Variants in SPECC1L observed in about 807,000 individuals in gnomAD.
SPECC1L encodes cytospin-A.
In SPECC1L, 40 loss-of-function variants were observed where a neutral mutation model predicts 116.8. The ratio of observed to expected loss-of-function variants is 0.34; its 90% CI spans 0.27 to 0.45. The LOEUF (loss-of-function observed/expected upper bound fraction) is 0.45, where lower values mean the gene tolerates loss of function less well. SPECC1L is among the 20% of genes least tolerant of loss of function. SPECC1L has a pLI of 1.00. For missense variants in SPECC1L, 1,110 were observed against 1,373.6 expected, an observed-to-expected ratio of 0.81 and a Z score of 3.03; for synonymous variants, 504 against 500.6, an observed-to-expected ratio of 1.01 and a Z score of -0.09.
intron 4 of SPECC1L, among the ~76,000 whole-genome samples, chr22:24,316,187 T>G (rs2040559849): frequency 6.6e-6 from 1 of 152,252 alleles, no homozygotes; most frequent in Non-Finnish European, 1.5e-5. Context: ...TTCACTTGTC[T>G]TTACCTCAGA....
At position 24,324,211 on chromosome 22, in the gene SPECC1L, T is replaced by G; in HGVS notation, c.1939-9T>G. On this transcript the variant is annotated splice_polypyrimidine_tract_variant and intron_variant, in intron 5 of 16. Coordinates refer to ENST00000314328, the MANE Select transcript of SPECC1L (RefSeq NM_015330.6). ...ACTTTTCTAAATCTGCATCGTCAAT[T>G]TTACGTAGGTAGAGGATGAATACCG... The G allele has an allele frequency of 6.2e-7, 1 of 1,612,174 alleles. No individual in the cohort carries two copies. Among genetic ancestry groups the G allele is most frequent in the Non-Finnish European group, 8.5e-7 (1 of 1,178,466 alleles).
intron 8 of SPECC1L, among the ~76,000 whole-genome samples, chr22:24,332,669 G>A (rs540858956): frequency 1.1e-4 from 16 of 151,390 alleles, no homozygotes; most frequent in African/African-American, 3.9e-4. Context: ...TTAAAGAGAT[G>A]ATTTAAAAAT....
In SPECC1L at chr22:24,289,550, C is replaced by T. The variant is rs1416668181; in HGVS notation, c.-37-12645C>T. Among the ~76,000 whole-genome samples the T allele has an allele frequency of 2.0e-5, 3 of 152,234 alleles. No homozygotes were observed. In the South Asian group the frequency reaches 6.2e-4, roughly 32 times the overall value. On this transcript the variant is annotated intron_variant, in intron 2 of 16. Transcript: ENST00000314328. ...TAAAAAAATCCAGGAAGCTTCTAATCGTTTCTAATTATTTTCTTGGGTTAA... is the reference window on the plus strand; with the variant it reads ...TAAAAAAATCCAGGAAGCTTCTAATTGTTTCTAATTATTTTCTTGGGTTAA...
chr22:24,327,512 G>T (rs1485128394), intron 6 of SPECC1L, among the ~76,000 whole-genome samples: 1 of 152,030 alleles, frequency 6.6e-6, no homozygotes, highest in Non-Finnish European at 1.5e-5. Flanking sequence ...GTCATTGCAA[G>T]CAGGTGTTCA....
At chr22:24,390,210 TC>T (rs1412141387) in intron 14 of SPECC1L, among the ~76,000 whole-genome samples, 1 of 152,066 alleles carries the variant, frequency 6.6e-6, no homozygotes. Flanking sequence ...CCCTGATCCT[TC>T]CTTTTCTCAC....
chr22:24,284,925 A>G (rs762821437), intron 2 of SPECC1L, among the ~76,000 whole-genome samples: 47 of 152,312 alleles, frequency 3.1e-4, no homozygotes, highest in South Asian at 6.2e-4. Context: ...GAGAAGAGAA[A>G]GGGAGAGACA....
At chr22:24,411,728 T>A in intron 15 of SPECC1L, 24 bp downstream of exon 15, 2 of 1,583,700 alleles carry the variant, frequency 1.3e-6, no homozygotes, top group East Asian at 4.5e-5. Flanking sequence ...GGCCAGCTCC[T>A]GGCACCCACC....
chr22:24,388,591 G>T (rs1391047028), intron 14 of SPECC1L, among the ~76,000 whole-genome samples: 4 of 152,012 alleles, frequency 2.6e-5, no homozygotes, highest in Admixed American at 1.3e-4. Flanking sequence ...AATCCTTTGG[G>T]TATATATCCA....
In SPECC1L at chr22:24,363,241, A is replaced by G. The variant is rs2041680127; in HGVS notation, c.2744-20A>G. The G allele has an allele frequency of 1.9e-6, 3 of 1,607,712 alleles. No individual in the cohort carries two copies. The highest frequency in any genetic ancestry group is 2.6e-6 in the Non-Finnish European group (3 of 1,174,236). On this transcript the variant is annotated intron_variant, in intron 11 of 16. Coordinates refer to ENST00000314328, the MANE Select transcript of SPECC1L (RefSeq NM_015330.6). The stretch of plus-strand genomic sequence containing the variant: ...TTCAGCATCAGATTTCTTTATTGGG[A>G]TTCTTTCTACTTTGTACAGAGCATC...
chr22:24,397,344 A>G (rs1358139978), intron 14 of SPECC1L, among the ~76,000 whole-genome samples: 1 of 152,214 alleles, frequency 6.6e-6, no homozygotes, highest in East Asian at 1.9e-4. Context: ...CTGCAAGACC[A>G]TGGTGCATTT....
Position 24,307,870 on chromosome 22 carries a change from A to G in SPECC1L, c.154-5443A>G, listed in dbSNP as rs563363637. Among the ~76,000 whole-genome samples, 4 of 151,584 alleles carry G rather than the reference A, an allele frequency of 2.6e-5. No homozygotes were observed. The South Asian group carries it at 8.3e-4, about 32-fold the overall frequency. On this transcript the variant is annotated intron_variant, in intron 3 of 16. Coordinates refer to ENST00000314328, the MANE Select transcript of SPECC1L (RefSeq NM_015330.6). ...TTTTTTTTTCTAAAAGTGTTTTTCTAAATTTCATATTTAGATCCTCAATCT... is the reference window on the plus strand; with the variant it reads ...TTTTTTTTTCTAAAAGTGTTTTTCTGAATTTCATATTTAGATCCTCAATCT...
intron 13 of SPECC1L, among the ~76,000 whole-genome samples, chr22:24,366,648 T>G (rs948378864): frequency 6.6e-6 from 1 of 152,302 alleles, no homozygotes; most frequent in African/African-American, 2.4e-5. Flanking sequence ...GTGATTTCAG[T>G]AACAGATCTT....
At position 24,330,407 on chromosome 22, in the gene SPECC1L, A is replaced by T; in HGVS notation, c.2372A>T (p.Glu791Val). 1.2e-6 allele frequency: 2 copies of T among 1,614,114 alleles called. No individual in the cohort carries two copies. The highest frequency in any genetic ancestry group is 1.6e-4 in the Middle Eastern group (1 of 6,062). ...AQEKNEKLTK[E>V]LEEIKSRKQE... ...GAAAAAAATGAGAAACTCACAAAAG[A>T]ATTGGAGGAAATAAAGTCACGCAAG... Residue 791 changes from glutamate (E) to valine (V), a missense_variant, in exon 8 of 17, where the codon GAA (glutamate) becomes GTA (valine). Glu to Val is a moderately radical substitution (Grantham distance 121). This residue lies in a region of SPECC1L where 575 missense variants were observed against 682.4 expected (regional missense o/e 0.84). Coordinates refer to ENST00000314328, the MANE Select transcript of SPECC1L (RefSeq NM_015330.6).
At chr22:24,342,463 G>C (rs2041196122) in intron 10 of SPECC1L, among the ~76,000 whole-genome samples, 2 of 152,128 alleles carry the variant, frequency 1.3e-5, no homozygotes, top group Non-Finnish European at 2.9e-5. Context: ...CTGAGGTCAG[G>C]AGTTCAAGAC....
chr22:24,328,684 GA>G (rs2040876960), intron 6 of SPECC1L, among the ~76,000 whole-genome samples, 161 bp from the exon 7 acceptor site: 1 of 152,122 alleles, frequency 6.6e-6, no homozygotes, highest in Admixed American at 6.5e-5. Context: ...GTTATTACTT[GA>G]ATTTAACATT....
At chr22:24,296,763 A>G (rs2049272229) in intron 2 of SPECC1L, among the ~76,000 whole-genome samples, 1 of 151,848 alleles carries the variant, frequency 6.6e-6, no homozygotes, top group African/African-American at 2.4e-5. Context: ...GTGAATTCTA[A>G]TTTGTTTTTT....
intron 3 of SPECC1L, among the ~76,000 whole-genome samples, chr22:24,311,815 A>T (rs1311185113): frequency 6.6e-6 from 1 of 151,684 alleles, no homozygotes; most frequent in African/African-American, 2.4e-5. Context: ...AAAAAAAAAA[A>T]AAAAAAAAAA....
At chr22:24,348,494 A>G (rs1158475837) in intron 11 of SPECC1L, among the ~76,000 whole-genome samples, 1 of 152,096 alleles carries the variant, frequency 6.6e-6, no homozygotes, top group East Asian at 1.9e-4. Context: ...TGGTGCTGCT[A>G]CTACCTCCCT....
rs2041312132 is a variant in SPECC1L, at chr22:24,347,106, A to C, written c.2673A>C (p.Pro891=). 5 of 1,613,996 alleles carry C rather than the reference A, an allele frequency of 3.1e-6. No individual in the cohort carries two copies. In the African/African-American group the frequency reaches 6.7e-5, roughly 22 times the overall value. The part of the protein sequence containing the change: ...SPMQRHSISG[P]ISTSKPLTAL... ...TTCAGAGACATTCCATAAGTGGACC[A>C]ATCTCAACATCCAAACCCCTGACAG... The change falls in exon 11 of 17, where the codon CCA becomes CCC. Residue 891 remains proline, a synonymous_variant. Transcript: ENST00000314328.
Sources: allele counts gnomAD v4.1 joint callset (sites outside exome capture counted in the v4.1 genomes callset), GRCh38; gene constraint gnomAD v4.1.1; regional missense constraint gnomAD v4.1.1; transcripts MANE v1.5; gene names NCBI Gene and HGNC (gene_info 2026-07-23, HGNC 2026-07-21).